The following LSAMP variants were observed in gnomAD, a reference collection of about 807,000 sequenced individuals.
LSAMP encodes the protein limbic system associated membrane protein, also known as limbic system-associated membrane protein.
In LSAMP, 7 loss-of-function variants were observed where a neutral mutation model predicts 38.6. The observed-to-expected ratio is 0.18, with a 90% CI of 0.10 to 0.34. The LOEUF (loss-of-function observed/expected upper bound fraction) is 0.34. LSAMP is among the 10% of genes least tolerant of loss of function. LSAMP has a pLI of 1.00. For synonymous variants in LSAMP, 154 were observed against 166.8 expected (o/e 0.92, Z 0.59); for missense variants, 313 against 420.0 (o/e 0.75, Z 2.23).
intron 2 of LSAMP, among the ~76,000 whole-genome samples, chr3:116,058,823 T>C (rs914926350): frequency 6.6e-6 from 1 of 152,162 alleles, no homozygotes; most frequent in African/African-American, 2.4e-5. Context: ...AGAAGAGTGA[T>C]AAAGACTCAC....
intron 1 of LSAMP, among the ~76,000 whole-genome samples, chr3:116,231,708 G>A (rs187912175): frequency 6.6e-6 from 1 of 152,294 alleles, no homozygotes; most frequent in African/African-American, 2.4e-5. Context: ...AAAGAGAGGG[G>A]ACACTGTGGG....
intron 1 of LSAMP, among the ~76,000 whole-genome samples, chr3:116,412,467 A>G (rs1178207062): frequency 6.6e-6 from 1 of 152,014 alleles, no homozygotes; most frequent in Non-Finnish European, 1.5e-5. Context: ...TTCCCCCTCT[A>G]TAAGAAATGT....
At position 116,397,528 on chromosome 3, in the gene LSAMP, C is replaced by T. The variant is rs570220393; in HGVS notation, c.155+47349G>A. Among the ~76,000 whole-genome samples, 4 of 152,202 alleles carry T rather than the reference C, an allele frequency of 2.6e-5. No homozygotes were observed. In the East Asian group the frequency reaches 7.7e-4, roughly 29 times the overall value. On this transcript the variant is annotated intron_variant, in intron 1 of 6. Coordinates refer to ENST00000490035, the MANE Select transcript of LSAMP (RefSeq NM_002338.5). ...TTATATTATTGTCTATCTCCCTACA[C>T]TACAATGCAAGCTTCGTGAGGACTG... is the stretch of plus-strand genomic sequence containing the variant.
chr3:115,850,654 A>G (rs983103210), intron 4 of LSAMP, among the ~76,000 whole-genome samples: 9 of 152,250 alleles, frequency 5.9e-5, no homozygotes, highest in African/African-American at 2.2e-4. Flanking sequence ...AGCTAGGGAT[A>G]GAAGCACTTC....
intron 1 of LSAMP, among the ~76,000 whole-genome samples, chr3:116,176,823 A>C (rs1342925263): frequency 6.6e-6 from 1 of 152,178 alleles, no homozygotes; most frequent in East Asian, 1.9e-4. Flanking sequence ...AGTGACTTTC[A>C]AATGGCATGA....
intron 1 of LSAMP, among the ~76,000 whole-genome samples, chr3:116,434,559 G>A (rs191752353): frequency 1.4e-4 from 21 of 152,238 alleles, no homozygotes; most frequent in African/African-American, 4.8e-4. Context: ...GTTTGGTGGA[G>A]TGAGGGGTAG....
Position 116,094,739 on chromosome 3 carries a change from G to A in LSAMP, c.156-8183C>T, listed in dbSNP as rs554626613. ...GGAGTGCTAGTGTAAAAAACAAACA[G>A]TTTAGATCCTGAAGAGGCTCATTTT... On this transcript the variant is annotated intron_variant, in intron 1 of 6. Transcript: ENST00000490035. Among the ~76,000 whole-genome samples, 3 of 152,224 alleles carry A rather than the reference G, an allele frequency of 2.0e-5. No individual in the cohort carries two copies. In the South Asian group the frequency reaches 6.2e-4, roughly 32 times the overall value.
intron 3 of LSAMP, among the ~76,000 whole-genome samples, chr3:115,989,885 C>G (rs9818948): frequency 0.13 from 19,022 of 151,930 alleles, 1,440 homozygotes; most frequent in Non-Finnish European, 0.18. Context: ...TAGAGTAACT[C>G]AGAATAAACC....
chr3:115,865,870 TC>T (rs1333970163), intron 3 of LSAMP, among the ~76,000 whole-genome samples: 1 of 152,138 alleles, frequency 6.6e-6, no homozygotes, highest in South Asian at 2.1e-4. Flanking sequence ...CAGGGATCAA[TC>T]CAGTATTTAG....
At chr3:116,117,212 C>A (rs1243990931) in intron 1 of LSAMP, among the ~76,000 whole-genome samples, 1 of 152,104 alleles carries the variant, frequency 6.6e-6, no homozygotes, top group Non-Finnish European at 1.5e-5. Context: ...TGATTGGAAA[C>A]TCTGAGTGTG....
At chr3:116,248,162 G>A (rs937197452) in intron 1 of LSAMP, among the ~76,000 whole-genome samples, 1 of 152,184 alleles carries the variant, frequency 6.6e-6, no homozygotes, top group African/African-American at 2.4e-5. Flanking sequence ...AGATTAAAGG[G>A]AAAGATTTAT....
At chr3:116,295,037 A>T (rs2047312196) in intron 1 of LSAMP, among the ~76,000 whole-genome samples, 1 of 152,208 alleles carries the variant, frequency 6.6e-6, no homozygotes, top group Non-Finnish European at 1.5e-5. Flanking sequence ...TTTTGGCTTT[A>T]GGGGGTATAA....
intron 3 of LSAMP, among the ~76,000 whole-genome samples, chr3:115,911,294 A>C (rs1937128686): frequency 6.6e-6 from 1 of 152,228 alleles, no homozygotes; most frequent in South Asian, 2.1e-4. Context: ...ATTGAGAAAC[A>C]TATGGGTTGT....
At chr3:116,227,517 T>G (rs1576446347) in intron 1 of LSAMP, among the ~76,000 whole-genome samples, 1 of 152,216 alleles carries the variant, frequency 6.6e-6, no homozygotes, top group Non-Finnish European at 1.5e-5. Context: ...ACATCCAAAG[T>G]CCAGCTTTAA....
At chr3:115,928,969 G>GTTTTTTTTTT (rs1033194537) in intron 3 of LSAMP, among the ~76,000 whole-genome samples, 18 of 53,576 alleles carry the variant, frequency 3.4e-4, no homozygotes, top group South Asian at 9.8e-4. Context: ...CAGGTTTTTT[G>GTTTTTTTTTT]TTTGTTTTTT....
intron 1 of LSAMP, among the ~76,000 whole-genome samples, chr3:116,327,298 T>C (rs1334478747): frequency 6.6e-6 from 1 of 152,174 alleles, no homozygotes; most frequent in African/African-American, 2.4e-5. Context: ...TTTTACCTTC[T>C]AGTAAGGTCA....
At chr3:116,301,300 T>G (rs1295554302) in intron 1 of LSAMP, among the ~76,000 whole-genome samples, 2 of 152,130 alleles carry the variant, frequency 1.3e-5, no homozygotes, top group Non-Finnish European at 2.9e-5. Flanking sequence ...AATATGACCC[T>G]CTGACAACCA....
At chr3:116,287,039 G>A (rs1340254372) in intron 1 of LSAMP, among the ~76,000 whole-genome samples, 1 of 151,788 alleles carries the variant, frequency 6.6e-6, no homozygotes, top group East Asian at 1.9e-4. Flanking sequence ...TGCTTCCCTT[G>A]TAATAGCCAC....
intron 3 of LSAMP, among the ~76,000 whole-genome samples, chr3:116,017,888 G>A (rs866698989): frequency 6.6e-6 from 1 of 152,104 alleles, no homozygotes; most frequent in Non-Finnish European, 1.5e-5. Context: ...TGAGCCAATA[G>A]CTTCTATACC....
Sources: allele counts gnomAD v4.1 joint callset (sites outside exome capture counted in the v4.1 genomes callset), GRCh38; gene constraint gnomAD v4.1.1; transcripts MANE v1.5; gene names NCBI Gene and HGNC (gene_info 2026-07-23, HGNC 2026-07-21).